Variants in RPA3 observed in about 807,000 individuals in gnomAD.
RPA3 encodes replication protein A3.
A neutral mutation model predicts 13.7 loss-of-function variants in RPA3; 24 were observed. The ratio of observed to expected loss-of-function variants is 1.75; its 90% CI spans 1.27 to 2.46. RPA3 has a LOEUF of 2.46. Among genes scored for constraint, RPA3 ranks in the 30% most tolerant of loss-of-function variants. RPA3 has a pLI of 0.00. For missense variants in RPA3, 183 were observed against 151.0 expected (o/e 1.21, Z -1.11); for synonymous variants, 59 against 51.2 (o/e 1.15, Z -0.65).
chr7:7,668,578 A>G (rs1779528494), intron 4 of RPA3, among the ~76,000 whole-genome samples: 1 of 152,198 alleles, frequency 6.6e-6, no homozygotes. Flanking sequence ...GTTCTTAGAA[A>G]CTGACTTTAA....
At chr7:7,675,122 C>T (rs1453961683) in intron 4 of RPA3, among the ~76,000 whole-genome samples, 2 of 152,158 alleles carry the variant, frequency 1.3e-5, no homozygotes, top group African/African-American at 4.8e-5. Context: ...GCCTCGGCCC[C>T]CCAAAGTGTT....
At chr7:7,646,418 C>T (rs912747572) in intron 4 of RPA3, among the ~76,000 whole-genome samples, 1 of 148,662 alleles carries the variant, frequency 6.7e-6, no homozygotes, top group Non-Finnish European at 1.5e-5. Flanking sequence ...ATACTGTTCT[C>T]GTGGTAGTGA....
chr7:7,656,130 T>C (rs191843865), intron 4 of RPA3, among the ~76,000 whole-genome samples: 165 of 152,100 alleles, frequency 1.1e-3, no homozygotes, highest in African/African-American at 3.6e-3. Flanking sequence ...CCACTGCGCC[T>C]GGCCAGGACA....
At chr7:7,695,290 G>GT (rs1272140732) in intron 2 of RPA3, among the ~76,000 whole-genome samples, 3 of 152,124 alleles carry the variant, frequency 2.0e-5, no homozygotes, top group Non-Finnish European at 2.9e-5. Flanking sequence ...CCCCACCACA[G>GT]TTTATCTCAT....
chr7:7,660,756 G>A (rs553754152), intron 4 of RPA3, among the ~76,000 whole-genome samples: 64 of 152,192 alleles, frequency 4.2e-4, no homozygotes, highest in African/African-American at 1.4e-3. Flanking sequence ...TTTCAACCTT[G>A]GTGAATCTGG....
intron 1 of RPA3, 107 bp from the exon 2 acceptor site, chr7:7,715,333 G>A (rs1176462817): frequency 1.3e-5 from 2 of 152,116 alleles, no homozygotes; most frequent in African/African-American, 4.8e-5. Context: ...CAGAAGAGTT[G>A]ACCATAGACC....
intron 4 of RPA3, among the ~76,000 whole-genome samples, chr7:7,657,448 C>T (rs1785370408): frequency 6.6e-6 from 1 of 152,150 alleles, no homozygotes. Flanking sequence ...GATTTTACGT[C>T]TTACGTTTAG....
chr7:7,660,213 C>G (rs1785439709), intron 4 of RPA3, among the ~76,000 whole-genome samples: 1 of 152,166 alleles, frequency 6.6e-6, no homozygotes, highest in Non-Finnish European at 1.5e-5. Context: ...TGAGATGGGT[C>G]TCCTGAATAC....
intron 1 of RPA3, among the ~76,000 whole-genome samples, chr7:7,715,529 G>T (rs1382501716): frequency 1.3e-5 from 2 of 152,162 alleles, no homozygotes; most frequent in African/African-American, 4.8e-5. Context: ...GAATATTTCT[G>T]TGTGCTAGGT....
chr7:7,708,797 C>A (rs1293742270), intron 2 of RPA3, among the ~76,000 whole-genome samples: 1 of 151,754 alleles, frequency 6.6e-6, no homozygotes, highest in Admixed American at 6.6e-5. Context: ...CTTTTTTTGC[C>A]CATTAATATG....
chr7:7,718,001 G>C (rs1270256983), intron 1 of RPA3, among the ~76,000 whole-genome samples: 1 of 152,156 alleles, frequency 6.6e-6, no homozygotes, highest in Non-Finnish European at 1.5e-5. Flanking sequence ...TTAGAGTTTA[G>C]GGAAATCTAG....
At chr7:7,703,001 G>A (rs989409864) in intron 2 of RPA3, among the ~76,000 whole-genome samples, 1 of 152,182 alleles carries the variant, frequency 6.6e-6, no homozygotes, top group African/African-American at 2.4e-5. Context: ...AGCCATGCGA[G>A]CAGGCAGAGC....
At chr7:7,708,757 C>G (rs1348325906) in intron 2 of RPA3, among the ~76,000 whole-genome samples, 1 of 152,068 alleles carries the variant, frequency 6.6e-6, no homozygotes, top group East Asian at 1.9e-4. Flanking sequence ...TGGAGACAGA[C>G]CCAGCTTTTC....
chr7:7,708,631 C>A (rs1780669614), intron 2 of RPA3, among the ~76,000 whole-genome samples: 2 of 152,136 alleles, frequency 1.3e-5, no homozygotes, highest in South Asian at 2.1e-4. Flanking sequence ...AAAATAGAAG[C>A]AAATTCCATT....
chr7:7,710,170 A>G (rs1199656667), intron 2 of RPA3, among the ~76,000 whole-genome samples: 1 of 152,124 alleles, frequency 6.6e-6, no homozygotes, highest in Non-Finnish European at 1.5e-5. Flanking sequence ...ATATACCACA[A>G]TTTATATATC....
Position 7,640,253 on chromosome 7 carries a change from C to A in RPA3, c.99+67G>T. 5 of 1,506,080 alleles carry A rather than the reference C, an allele frequency of 3.3e-6. No individual in the cohort carries two copies. The South Asian group carries it at 4.5e-5, about 14-fold the overall frequency. 93.3% of individuals were successfully genotyped at this position (1,506,080 alleles called of 1,614,324 possible). A position where few individuals can be genotyped will look rare whatever the true frequency, so the allele number is the denominator to read the frequency against. On this transcript the variant is annotated intron_variant, in intron 5 of 7. Transcript: ENST00000223129. ...AGGCTTTCCGTCCTTTTTCATCCCC[C>A]GTTATCCAGGCGGGGTCCCTCCCTC...
At chr7:7,664,907 G>A (rs1779399425) in intron 4 of RPA3, among the ~76,000 whole-genome samples, 1 of 152,104 alleles carries the variant, frequency 6.6e-6, no homozygotes, top group African/African-American at 2.4e-5. Flanking sequence ...TACAAAAGGA[G>A]GAAGGTTAAA....
chr7:7,657,078 T>C (rs1476646347), intron 4 of RPA3, among the ~76,000 whole-genome samples: 1 of 152,150 alleles, frequency 6.6e-6, no homozygotes, highest in African/African-American at 2.4e-5. Context: ...GATGATGAGC[T>C]TTTTTTCATA....
intron 2 of RPA3, among the ~76,000 whole-genome samples, chr7:7,699,950 G>A (rs912483317): frequency 1.3e-5 from 2 of 152,166 alleles, no homozygotes; most frequent in African/African-American, 4.8e-5. Flanking sequence ...ATAAATTCCT[G>A]AAGTGAAAGT....
Sources: allele counts gnomAD v4.1 joint callset (sites outside exome capture counted in the v4.1 genomes callset), GRCh38; gene constraint gnomAD v4.1.1; transcripts MANE v1.5; gene names NCBI Gene and HGNC (gene_info 2026-07-23, HGNC 2026-07-21).